SLC9A9: variants seen among roughly 807,000 people sequenced by gnomAD.
SLC9A9 encodes sodium/hydrogen exchanger 9.
Under a neutral mutation model 77.8 loss-of-function variants are expected in SLC9A9, and 62 were observed. The observed-to-expected ratio is 0.80, with a 90% CI of 0.65 to 0.98. The LOEUF (loss-of-function observed/expected upper bound fraction) is 0.98, where lower values mean the gene tolerates loss of function less well. Among genes scored for constraint, SLC9A9 ranks in the 50% least tolerant of loss-of-function variants. The probability of loss-of-function intolerance (pLI) is 0.00; values close to 1 mark genes in which losing one functional copy is unlikely to be tolerated. For synonymous variants in SLC9A9, 320 were observed against 283.5 expected, an observed-to-expected ratio of 1.13 and a Z score of -1.29; for missense variants, 775 against 774.9, an observed-to-expected ratio of 1.00 and a Z score of 0.00.
chr3:143,706,348 G>A (rs1233112546), intron 4 of SLC9A9, among the ~76,000 whole-genome samples: 1 of 152,158 alleles, frequency 6.6e-6, no homozygotes, highest in African/African-American at 2.4e-5. Flanking sequence ...CCCAGTATGG[G>A]CTATTCTTCC....
At chr3:143,459,911 G>T (rs1267688721) in intron 12 of SLC9A9, among the ~76,000 whole-genome samples, 1 of 152,114 alleles carries the variant, frequency 6.6e-6, no homozygotes, top group Non-Finnish European at 1.5e-5. Flanking sequence ...TAGGACCAAA[G>T]TTCCTCTGGT....
At chr3:143,568,605 T>C (rs1467874525) in intron 8 of SLC9A9, among the ~76,000 whole-genome samples, 1 of 152,190 alleles carries the variant, frequency 6.6e-6, no homozygotes, top group Non-Finnish European at 1.5e-5. Flanking sequence ...TGTAGGAATA[T>C]TATTGGGCAC....
rs187344938 is a variant in SLC9A9, at chr3:143,579,348, C to A, written c.756-625G>T. Among the ~76,000 whole-genome samples, 612 of 152,288 alleles carry A rather than the reference C, an allele frequency of 4.0e-3. 2 individuals are homozygous for A. Among genetic ancestry groups the A allele is most frequent in the African/African-American group, 0.014 (595 of 41,570 alleles). ...CAGCTGCCCAAGGTCATCTTTTATA[C>A]CCCAATTCTGGCGGCTGCCAACAGA... On this transcript the variant is annotated intron_variant, in intron 6 of 15. Coordinates refer to ENST00000316549, the MANE Select transcript of SLC9A9 (RefSeq NM_173653.4).
chr3:143,394,149 A>T (rs1342430851), intron 12 of SLC9A9, among the ~76,000 whole-genome samples: 6 of 152,334 alleles, frequency 3.9e-5, no homozygotes, highest in African/African-American at 1.4e-4. Flanking sequence ...ACACAACAAA[A>T]AAAAGAGAAT....
intron 6 of SLC9A9, among the ~76,000 whole-genome samples, chr3:143,593,504 T>A (rs2037695571): frequency 6.6e-6 from 1 of 152,228 alleles, no homozygotes. Flanking sequence ...TATTATCACC[T>A]TCTTGGAAAA....
chr3:143,532,832 G>A (rs1203953979), intron 9 of SLC9A9, among the ~76,000 whole-genome samples: 1 of 152,126 alleles, frequency 6.6e-6, no homozygotes, highest in Non-Finnish European at 1.5e-5. Flanking sequence ...AGTGACCCAG[G>A]ATCTCCCCTG....
intron 4 of SLC9A9, among the ~76,000 whole-genome samples, chr3:143,728,814 G>C (rs892134218): frequency 6.6e-6 from 1 of 151,980 alleles, no homozygotes; most frequent in Non-Finnish European, 1.5e-5. Context: ...GGAGGAGATG[G>C]AAACAACAAG....
chr3:143,484,465 T>C (rs571769711), intron 11 of SLC9A9, among the ~76,000 whole-genome samples: 10 of 152,266 alleles, frequency 6.6e-5, no homozygotes, highest in Non-Finnish European at 1.3e-4. Flanking sequence ...CAAAGCTGAG[T>C]CTGGAGCATT....
intron 9 of SLC9A9, among the ~76,000 whole-genome samples, chr3:143,513,910 G>GTAACATA (rs2036159744): frequency 6.6e-6 from 1 of 152,158 alleles, no homozygotes; most frequent in East Asian, 1.9e-4. Context: ...ATGTATACAT[G>GTAACATA]TGCCATGTTG....
At chr3:143,512,288 C>G (rs906541264) in intron 9 of SLC9A9, among the ~76,000 whole-genome samples, 1 of 152,194 alleles carries the variant, frequency 6.6e-6, no homozygotes, top group African/African-American at 2.4e-5. Context: ...AGCAATTACA[C>G]TTACTAGAAT....
intron 4 of SLC9A9, among the ~76,000 whole-genome samples, chr3:143,717,417 G>A (rs144766949): frequency 9.8e-4 from 150 of 152,344 alleles, no homozygotes; most frequent in Non-Finnish European, 1.5e-3. Context: ...TTGAGTGGCA[G>A]TGAGTGTTTA....
chr3:143,293,306 C>A (rs1387980790), intron 14 of SLC9A9, among the ~76,000 whole-genome samples: 1 of 152,162 alleles, frequency 6.6e-6, no homozygotes, highest in Non-Finnish European at 1.5e-5. Flanking sequence ...CTGGCAGATA[C>A]GTGCGTCTGC....
intron 4 of SLC9A9, among the ~76,000 whole-genome samples, chr3:143,732,243 G>T (rs1294301631): frequency 6.6e-6 from 1 of 152,186 alleles, no homozygotes; most frequent in African/African-American, 2.4e-5. Context: ...CTGAAATTTA[G>T]TGCCAGCTTA....
At chr3:143,572,393 T>C (rs918870967) in intron 8 of SLC9A9, among the ~76,000 whole-genome samples, 2 of 152,120 alleles carry the variant, frequency 1.3e-5, no homozygotes. Flanking sequence ...CTTCCTTACC[T>C]TTCTAGAAGG....
At chr3:143,707,686 A>T (rs1253871481) in intron 4 of SLC9A9, among the ~76,000 whole-genome samples, 1 of 152,134 alleles carries the variant, frequency 6.6e-6, no homozygotes, top group East Asian at 1.9e-4. Context: ...CTGTAAGAGG[A>T]TATGGAAAAC....
intron 8 of SLC9A9, among the ~76,000 whole-genome samples, chr3:143,558,056 C>A (rs192319691): frequency 1.3e-5 from 2 of 152,336 alleles, no homozygotes; most frequent in East Asian, 3.9e-4. Context: ...GCCCAGGGCC[C>A]CCCTGCTCTG....
At chr3:143,625,018 C>T (rs1379577128) in intron 6 of SLC9A9, among the ~76,000 whole-genome samples, 1 of 152,138 alleles carries the variant, frequency 6.6e-6, no homozygotes, top group African/African-American at 2.4e-5. Context: ...TTCACAATTG[C>T]TTCAAAGAGA....
Position 143,396,866 on chromosome 3 carries a change from G to A in SLC9A9, c.1470-14752C>T, listed in dbSNP as rs191221991. Among the ~76,000 whole-genome samples, 406 of 152,258 alleles carry A rather than the reference G, an allele frequency of 2.7e-3. 3 individuals carry two copies. Among genetic ancestry groups the A allele is most frequent in the Admixed American group, 5.5e-3 (84 of 15,288 alleles). On this transcript the variant is annotated intron_variant, in intron 12 of 15. Coordinates refer to ENST00000316549, the MANE Select transcript of SLC9A9 (RefSeq NM_173653.4). ...TGGACTTAAGAGTGGGGATGTTCTGGCTGCAGAGATAAAATGTGTGGCTGG... is the reference window on the plus strand; with the variant it reads ...TGGACTTAAGAGTGGGGATGTTCTGACTGCAGAGATAAAATGTGTGGCTGG...
intron 5 of SLC9A9, among the ~76,000 whole-genome samples, chr3:143,656,357 C>T (rs2038887960): frequency 6.6e-6 from 1 of 151,944 alleles, no homozygotes; most frequent in Admixed American, 6.6e-5. Context: ...AGATGATAAC[C>T]ACACCTAGTG....
Sources: allele counts gnomAD v4.1 joint callset (sites outside exome capture counted in the v4.1 genomes callset), GRCh38; gene constraint gnomAD v4.1.1; transcripts MANE v1.5; gene names NCBI Gene and HGNC (gene_info 2026-07-23, HGNC 2026-07-21).